Variants in SAXO1 observed in about 807,000 individuals in gnomAD.
SAXO1 encodes 4930500O09Rik.
In SAXO1, 21 loss-of-function variants were observed where a neutral mutation model predicts 17.5. The ratio of observed to expected loss-of-function variants is 1.20; its 90% confidence interval spans 0.85 to 1.72. SAXO1 has a LOEUF of 1.72. Ranked by LOEUF, SAXO1 falls within the 40% of genes most tolerant of loss-of-function variation. SAXO1 has a pLI of 0.00. For missense variants in SAXO1, 843 were observed against 596.0 expected (o/e 1.41, Z -4.32); for synonymous variants, 274 against 216.5 (o/e 1.27, Z -2.33).
At chr9:18,998,831 C>T (rs1281738409) in intron 1 of SAXO1, among the ~76,000 whole-genome samples, 2 of 152,208 alleles carry the variant, frequency 1.3e-5, no homozygotes, top group African/African-American at 4.8e-5. Flanking sequence ...CATGTTCAAC[C>T]TGCAACTTCA....
intron 1 of SAXO1, chr9:19,027,953 CTG>C: frequency 6.8e-7 from 1 of 1,468,592 alleles, no homozygotes; most frequent in South Asian, 1.2e-5. Context: ...CTGACGTGAA[CTG>C]CGAGGGAGCT....
intron 1 of SAXO1, among the ~76,000 whole-genome samples, chr9:18,974,328 C>A (rs1833054112): frequency 6.6e-6 from 1 of 152,162 alleles, no homozygotes; most frequent in Admixed American, 6.5e-5. Context: ...GATACGGAAA[C>A]AGTTATTTTC....
At chr9:19,022,345 C>A (rs1835276987) in intron 1 of SAXO1, among the ~76,000 whole-genome samples, 1 of 152,198 alleles carries the variant, frequency 6.6e-6, no homozygotes, top group Admixed American at 6.5e-5. Flanking sequence ...GAGTCTGCGG[C>A]TTCATTCTTG....
At chr9:18,941,904 C>G (rs766372124) in intron 2 of SAXO1, 65 bp from the exon 3 acceptor site, 5 of 1,451,776 alleles carry the variant, frequency 3.4e-6, no homozygotes, top group Admixed American at 3.4e-5. Flanking sequence ...GTTTTCTGCT[C>G]AACCCAACTC....
chr9:19,040,863 G>A (rs1293715723), intron 1 of SAXO1, among the ~76,000 whole-genome samples: 1 of 151,386 alleles, frequency 6.6e-6, no homozygotes, highest in Non-Finnish European at 1.5e-5. Context: ...ATTGAGTGGT[G>A]GTAACAGAAC....
chr9:18,990,454 C>T (rs1003555707), intron 1 of SAXO1, among the ~76,000 whole-genome samples: 4 of 152,084 alleles, frequency 2.6e-5, no homozygotes, highest in African/African-American at 9.7e-5. Context: ...GCCTATAATC[C>T]CAGAACTTTG....
chr9:18,981,125 C>G (rs1833368567), intron 1 of SAXO1, among the ~76,000 whole-genome samples: 3 of 152,170 alleles, frequency 2.0e-5, no homozygotes, highest in Admixed American at 2.0e-4. Flanking sequence ...CTGAAGACCT[C>G]TGCAAGAAAT....
In SAXO1 at chr9:18,978,412, G is replaced by C. The variant is rs568730047; in HGVS notation, c.39-27475C>G. ...TCTGGCCTGAAGAGCTCACCTGCTG[G>C]GGAGGAGATGCCCAGCTTGGAATAG... is the stretch of plus-strand genomic sequence containing the variant. On this transcript the variant is annotated intron_variant, in intron 1 of 3. Transcript: ENST00000380534. Among the ~76,000 whole-genome samples the C allele has an allele frequency of 2.0e-5, 3 of 152,268 alleles. No individual in the cohort carries two copies. In the South Asian group the frequency reaches 6.2e-4, roughly 32 times the overall value.
intron 1 of SAXO1, among the ~76,000 whole-genome samples, chr9:19,001,178 A>G (rs538777670): frequency 1.3e-5 from 2 of 152,202 alleles, no homozygotes; most frequent in Admixed American, 1.3e-4. Flanking sequence ...AAACTTGACC[A>G]CATAGTTGGA....
intron 1 of SAXO1, among the ~76,000 whole-genome samples, chr9:18,986,125 C>T (rs184520141): frequency 5.7e-4 from 87 of 152,296 alleles, no homozygotes; most frequent in African/African-American, 1.8e-3. Context: ...GCTTTGGGTC[C>T]TTCTGTGATA....
chr9:18,953,024 T>G (rs933919563), intron 1 of SAXO1, among the ~76,000 whole-genome samples: 1 of 152,232 alleles, frequency 6.6e-6, no homozygotes, highest in Non-Finnish European at 1.5e-5. Flanking sequence ...GCCATTTCTG[T>G]GCTCACAATC....
chr9:18,963,335 G>A (rs1182581885), intron 1 of SAXO1, among the ~76,000 whole-genome samples: 1 of 151,530 alleles, frequency 6.6e-6, no homozygotes, highest in Non-Finnish European at 1.5e-5. Flanking sequence ...TTCTAATTCT[G>A]TGAAGAAAGT....
chr9:19,008,915 G>A (rs1210437755), intron 1 of SAXO1, among the ~76,000 whole-genome samples: 2 of 152,192 alleles, frequency 1.3e-5, no homozygotes, highest in African/African-American at 4.8e-5. Context: ...GGGGAAAGCT[G>A]ATCACAGCAC....
At chr9:19,039,063 C>T (rs762345748) in intron 1 of SAXO1, among the ~76,000 whole-genome samples, 14 of 151,478 alleles carry the variant, frequency 9.2e-5, no homozygotes, top group Non-Finnish European at 1.6e-4. Context: ...CAACTCTTTA[C>T]AGAACATTGT....
At chr9:18,994,893 C>G (rs532282609) in intron 1 of SAXO1, among the ~76,000 whole-genome samples, 1 of 152,314 alleles carries the variant, frequency 6.6e-6, no homozygotes, top group South Asian at 2.1e-4. Flanking sequence ...CCCAATTGGA[C>G]CTGTTAGTGA....
At chr9:19,027,376 G>A (rs1835531089) in intron 1 of SAXO1, 1 of 772,298 alleles carries the variant, frequency 1.3e-6, no homozygotes, top group African/African-American at 1.7e-5. Context: ...AGAGGTGGAT[G>A]AGAGACCCAC....
upstream of SAXO1, among the ~76,000 whole-genome samples, chr9:19,035,917 T>C (rs1179181861): frequency 1.3e-5 from 2 of 152,098 alleles, no homozygotes; most frequent in African/African-American, 2.4e-5. Context: ...TTCAGTTTTA[T>C]AAGGGAAGCA....
chr9:19,018,751 C>G (rs187264474), intron 1 of SAXO1, among the ~76,000 whole-genome samples: 17 of 152,298 alleles, frequency 1.1e-4, no homozygotes, highest in African/African-American at 3.4e-4. Flanking sequence ...TCAGTAGGAG[C>G]AGTGGTTAGA....
chr9:18,933,554 C>G (rs1712168814), intron 3 of SAXO1, among the ~76,000 whole-genome samples: 1 of 152,084 alleles, frequency 6.6e-6, no homozygotes, highest in Admixed American at 6.6e-5. Flanking sequence ...GAAGGATTTC[C>G]TTTAGTACTT....
Sources: allele counts gnomAD v4.1 joint callset (sites outside exome capture counted in the v4.1 genomes callset), GRCh38; gene constraint gnomAD v4.1.1; transcripts MANE v1.5; gene names NCBI Gene and HGNC (gene_info 2026-07-23, HGNC 2026-07-21).